RUNX2: variants seen among roughly 807,000 people sequenced by gnomAD.
The protein encoded by RUNX2 is RUNX family transcription factor 2, also known as runt-related transcription factor 2.
Under a neutral mutation model 51.7 loss-of-function variants are expected in RUNX2, and 10 were observed. The observed-to-expected ratio is 0.19, with a 90% CI of 0.12 to 0.33. The LOEUF is 0.33. RUNX2 is among the 10% of genes least tolerant of loss of function. The pLI is 1.00. For missense variants in RUNX2, 562 were observed against 691.3 expected (o/e 0.81, Z 2.10); for synonymous variants, 276 against 273.6 (o/e 1.01, Z -0.09).
In RUNX2 at chr6:45,422,945, C is replaced by G. The variant is rs767207344; in HGVS notation, c.411C>G (p.Pro137=). 5.6e-6 allele frequency: 9 copies of G among 1,611,280 alleles called. No individual in the cohort carries two copies. Among genetic ancestry groups the G allele is most frequent in the African/African-American group, 2.7e-5 (2 of 74,820 alleles). Residue 137 remains proline (P), a synonymous_variant, in exon 3 of 9, where the codon CCC becomes CCG. Transcript: ENST00000647337. ...ACTGGCGCTGCAACAAGACCCTGCC[C>G]GTGGCCTTCAAGGTAAGAGGCTACA... ...PSHWRCNKTL[P]VAFKVVALGE...
At chr6:45,365,453 GTTCT>G in intron 2 of RUNX2, 1 of 558,488 alleles carries the variant, frequency 1.8e-6, no homozygotes, top group Non-Finnish European at 3.1e-6. Context: ...TATACTTAAT[GTTCT>G]TTATTAAAAT....
At chr6:45,461,537 G>A (rs1799476564) in intron 5 of RUNX2, among the ~76,000 whole-genome samples, 1 of 152,078 alleles carries the variant, frequency 6.6e-6, no homozygotes. Context: ...GAGAAGGAAA[G>A]TGCAAAAGGA....
chr6:45,428,306 T>C (rs1209405650), intron 3 of RUNX2, among the ~76,000 whole-genome samples: 1 of 152,164 alleles, frequency 6.6e-6, no homozygotes, highest in East Asian at 1.9e-4. Flanking sequence ...GGGAAACTTT[T>C]TAGCTTCAGA....
intron 2 of RUNX2, among the ~76,000 whole-genome samples, chr6:45,342,635 T>C (rs997164282): frequency 2.0e-5 from 3 of 152,162 alleles, no homozygotes; most frequent in East Asian, 3.9e-4. Context: ...AATATAAGGT[T>C]TACACAGTAG....
intron 6 of RUNX2, among the ~76,000 whole-genome samples, chr6:45,507,221 G>A (rs752664709): frequency 6.6e-6 from 1 of 152,156 alleles, no homozygotes; most frequent in Non-Finnish European, 1.5e-5. Flanking sequence ...GTGAGGCAGG[G>A]TGACGGATGG....
intron 3 of RUNX2, among the ~76,000 whole-genome samples, chr6:45,428,676 G>A (rs1327652277): frequency 6.6e-6 from 1 of 151,996 alleles, no homozygotes. Context: ...ACAGTAAAAT[G>A]GATGTATGTA....
intron 6 of RUNX2, among the ~76,000 whole-genome samples, chr6:45,494,623 T>C (rs768934361): frequency 6.6e-6 from 1 of 152,210 alleles, no homozygotes; most frequent in Non-Finnish European, 1.5e-5. Context: ...CATGTGAGCT[T>C]TCTTTAAATG....
At chr6:45,441,829 T>C (rs1356535544) in intron 5 of RUNX2, among the ~76,000 whole-genome samples, 1 of 152,246 alleles carries the variant, frequency 6.6e-6, no homozygotes, top group East Asian at 1.9e-4. Context: ...GCAGATGCTA[T>C]GGCACTAGTA....
chr6:45,426,393 A>G (rs1204866967), intron 3 of RUNX2, among the ~76,000 whole-genome samples: 1 of 152,194 alleles, frequency 6.6e-6, no homozygotes, highest in Non-Finnish European at 1.5e-5. Context: ...TAATTTGCAA[A>G]TTCAGCTCAT....
chr6:45,336,150 CATT>C (rs1391054601), intron 2 of RUNX2, among the ~76,000 whole-genome samples: 1 of 151,156 alleles, frequency 6.6e-6, no homozygotes, highest in African/African-American at 2.4e-5. Flanking sequence ...AACACATATA[CATT>C]ATTTCTCTCT....
At chr6:45,475,630 T>G (rs1475474948) in intron 5 of RUNX2, among the ~76,000 whole-genome samples, 1 of 152,218 alleles carries the variant, frequency 6.6e-6, no homozygotes, top group Non-Finnish European at 1.5e-5. Flanking sequence ...ATTCTGTCAT[T>G]TTTTAGTTCT....
At position 45,550,267 on chromosome 6, in the gene RUNX2, G is replaced by A. The variant is rs1220817794; in HGVS notation, c.*2962G>A. 7 of 152,446 alleles carry A rather than the reference G, an allele frequency of 4.6e-5. No homozygotes were observed. Among genetic ancestry groups the A allele is most frequent in the African/African-American group, 1.7e-4 (7 of 41,450 alleles). 9.4% of individuals were successfully genotyped at this position (152,446 alleles called of 1,614,324 possible). On this transcript the variant is annotated 3_prime_UTR_variant, in exon 9 of 9. Coordinates refer to ENST00000647337, the MANE Select transcript of RUNX2 (RefSeq NM_001024630.4). The stretch of plus-strand genomic sequence containing the variant: ...AACAGGTACCACAGCTTTGGTTTTA[G>A]ATTAGTGGAATAACATTCAGCCCAG...
intron 2 of RUNX2, chr6:45,377,947 G>GC (rs529693051): frequency 3.7e-4 from 56 of 152,474 alleles, no homozygotes; most frequent in South Asian, 2.1e-3. Context: ...CGGGGCGATG[G>GC]GGGGGGTACA....
intron 2 of RUNX2, among the ~76,000 whole-genome samples, chr6:45,354,557 A>C (rs1180480671): frequency 6.6e-6 from 1 of 152,054 alleles, no homozygotes; most frequent in Non-Finnish European, 1.5e-5. Flanking sequence ...GTTTCCTTGG[A>C]TAATAAGGGG....
chr6:45,329,667 T>C (rs1787065228), intron 2 of RUNX2, among the ~76,000 whole-genome samples: 1 of 151,978 alleles, frequency 6.6e-6, no homozygotes, highest in Non-Finnish European at 1.5e-5. Context: ...ATACCCTGTA[T>C]GATTTTTAAA....
chr6:45,451,900 C>T (rs1024367033), intron 5 of RUNX2, among the ~76,000 whole-genome samples: 1 of 152,126 alleles, frequency 6.6e-6, no homozygotes, highest in African/African-American at 2.4e-5. Flanking sequence ...AATTCTGAAG[C>T]TCAGACTCGC....
chr6:45,438,884 C>T (rs1174775386), intron 5 of RUNX2, among the ~76,000 whole-genome samples: 2 of 151,720 alleles, frequency 1.3e-5, no homozygotes, highest in Non-Finnish European at 2.9e-5. Flanking sequence ...CCAATGGAAA[C>T]ATCATATAGA....
At chr6:45,484,336 A>G (rs889606671) in intron 5 of RUNX2, among the ~76,000 whole-genome samples, 1 of 152,188 alleles carries the variant, frequency 6.6e-6, no homozygotes, top group Non-Finnish European at 1.5e-5. Flanking sequence ...GATGAAAATA[A>G]GGAAATCAGA....
At chr6:45,493,001 GA>G (rs1800530283) in intron 6 of RUNX2, among the ~76,000 whole-genome samples, 11 of 152,252 alleles carry the variant, frequency 7.2e-5, no homozygotes, top group Middle Eastern at 3.4e-3. Context: ...CCTCAACATG[GA>G]TCTTTTTTAT....
Sources: allele counts gnomAD v4.1 joint callset (sites outside exome capture counted in the v4.1 genomes callset), GRCh38; gene constraint gnomAD v4.1.1; transcripts MANE v1.5; gene names NCBI Gene and HGNC (gene_info 2026-07-23, HGNC 2026-07-21).